KIAA1671: variants seen among roughly 807,000 people sequenced by gnomAD.
The protein encoded by KIAA1671 is KIAA1671.
Under a neutral mutation model 131.2 loss-of-function variants are expected in KIAA1671, and 52 were observed. The observed-to-expected ratio is 0.40, with a 90% CI of 0.32 to 0.50. The LOEUF (loss-of-function observed/expected upper bound fraction) is 0.50, where lower values mean the gene tolerates loss of function less well. Among genes scored for constraint, KIAA1671 ranks in the 20% least tolerant of loss-of-function variants. The probability of loss-of-function intolerance (pLI) is 0.73; values close to 1 mark genes in which losing one functional copy is unlikely to be tolerated. For synonymous variants in KIAA1671, 1,003 were observed against 961.6 expected, an observed-to-expected ratio of 1.04 and a Z score of -0.80; for missense variants, 2,360 against 2,364.2, an observed-to-expected ratio of 1.00 and a Z score of 0.04.
intron 6 of KIAA1671, among the ~76,000 whole-genome samples, chr22:25,149,622 A>C (rs565707340): frequency 6.6e-6 from 1 of 151,936 alleles, no homozygotes; most frequent in Admixed American, 6.6e-5. Context: ...TATTTGCCTT[A>C]AATGCATTTG....
intron 6 of KIAA1671, among the ~76,000 whole-genome samples, chr22:25,161,227 G>A (rs376290448): frequency 3.7e-4 from 57 of 152,332 alleles, no homozygotes; most frequent in Non-Finnish European, 7.5e-4. Flanking sequence ...ACAAAAAACA[G>A]CGACCCCCTT....
At chr22:25,026,510 C>T (rs1489114455) in intron 2 of KIAA1671, among the ~76,000 whole-genome samples, 2 of 152,016 alleles carry the variant, frequency 1.3e-5, no homozygotes, top group Non-Finnish European at 1.5e-5. Flanking sequence ...GTGGGCGGAT[C>T]CCCTGAGGTC....
At chr22:25,178,011 C>T (rs2146026790) in intron 9 of KIAA1671, among the ~76,000 whole-genome samples, 1 of 152,280 alleles carries the variant, frequency 6.6e-6, no homozygotes, top group Admixed American at 6.5e-5. Context: ...GCCAAGGCCT[C>T]CCGCAGGATG....
In KIAA1671 at chr22:24,962,186, G is replaced by A. The variant is rs113326169; in HGVS notation, c.-208+9414G>A. On this transcript the variant is annotated intron_variant, in intron 1 of 12. Transcript: ENST00000358431. Reference sequence around the variant, plus strand: ...CAGTAGAGTGAGAGAACGCAGCGACGCCAAGGTGAGACTGGGAGGGATAGG... The same window carrying A: ...CAGTAGAGTGAGAGAACGCAGCGACACCAAGGTGAGACTGGGAGGGATAGG... Among the ~76,000 whole-genome samples, 884 of 152,228 alleles carry A rather than the reference G, an allele frequency of 5.8e-3. 5 individuals carry two copies. Among genetic ancestry groups the A allele is most frequent in the African/African-American group, 0.02 (836 of 41,540 alleles).
At chr22:24,984,838 C>G (rs1445083352) in intron 1 of KIAA1671, among the ~76,000 whole-genome samples, 1 of 147,358 alleles carries the variant, frequency 6.8e-6, no homozygotes, top group Non-Finnish European at 1.5e-5. Flanking sequence ...TGCGTGAACC[C>G]TGGAGGCGGA....
intron 6 of KIAA1671, among the ~76,000 whole-genome samples, chr22:25,129,129 C>T (rs538851920): frequency 8.6e-4 from 131 of 151,606 alleles, no homozygotes; most frequent in African/African-American, 3.0e-3. Flanking sequence ...CTCTCCCAAG[C>T]ATGGAGTGCC....
At chr22:25,108,634 G>A (rs1229108461) in intron 6 of KIAA1671, among the ~76,000 whole-genome samples, 1 of 152,140 alleles carries the variant, frequency 6.6e-6, no homozygotes, top group Non-Finnish European at 1.5e-5. Context: ...TTCCTCACCT[G>A]CATGGTGGAG....
chr22:25,171,415 C>CA (rs1933844477), intron 7 of KIAA1671, among the ~76,000 whole-genome samples: 1 of 148,736 alleles, frequency 6.7e-6, no homozygotes, highest in Admixed American at 6.7e-5. Flanking sequence ...AAAAAACAAA[C>CA]AAAAAAAGAT....
chr22:25,029,244 G>A lies in KIAA1671; in HGVS notation c.1245G>A (p.Glu415=), dbSNP rs1456236065. The A allele has an allele frequency of 2.7e-6, 4 of 1,486,174 alleles. No homozygotes were observed. Among genetic ancestry groups the A allele is most frequent in the Non-Finnish European group, 3.6e-6 (4 of 1,112,848 alleles). The allele number at this position is 1,486,174 out of a possible 1,614,324, so 92.1% of individuals were successfully genotyped here. The change falls in exon 3 of 13, where the codon GAG becomes GAA. Residue 415 remains glutamate (E), a synonymous_variant. Coordinates refer to ENST00000358431, the MANE Select transcript of KIAA1671 (RefSeq NM_001145206.2). ...PRLGRGLELA[E]VKSRVADGEA... ...TGGGAAGGGGCCTAGAACTTGCTGA[G>A]GTTAAGAGCAGAGTGGCGGATGGGG...
chr22:25,082,325 C>T (rs5760833), intron 6 of KIAA1671, among the ~76,000 whole-genome samples: 56,469 of 151,866 alleles, frequency 0.37, 10,788 homozygotes, highest in Middle Eastern at 0.45. Context: ...GGTCTTAACA[C>T]CTGAGTAGGA....
intron 1 of KIAA1671, among the ~76,000 whole-genome samples, chr22:24,994,495 T>C (rs1023659904): frequency 2.6e-5 from 4 of 152,174 alleles, no homozygotes; most frequent in African/African-American, 9.7e-5. Context: ...AACAGAAAGT[T>C]ATCCACTAGT....
intron 7 of KIAA1671, among the ~76,000 whole-genome samples, chr22:25,171,352 C>T (rs954871606): frequency 3.3e-5 from 5 of 151,754 alleles, no homozygotes; most frequent in South Asian, 2.1e-4. Context: ...TGCAGTGAGC[C>T]GGGATTGTGC....
At chr22:25,065,615 A>T (rs1330707902) in intron 6 of KIAA1671, among the ~76,000 whole-genome samples, 3 of 151,874 alleles carry the variant, frequency 2.0e-5, no homozygotes, top group Non-Finnish European at 4.4e-5. Context: ...CCATTTTTCA[A>T]CTTTTTTTAA....
chr22:25,064,202 T>C (rs1419471078), intron 6 of KIAA1671: 7 of 152,228 alleles, frequency 4.6e-5, no homozygotes, highest in Admixed American at 4.6e-4. Flanking sequence ...TAGCTGGGAT[T>C]ACAGGCATGT....
intron 9 of KIAA1671, among the ~76,000 whole-genome samples, chr22:25,180,264 G>A (rs1312880125): frequency 6.6e-6 from 1 of 152,228 alleles, no homozygotes; most frequent in Non-Finnish European, 1.5e-5. Flanking sequence ...AAACAGGCAG[G>A]GCGTGGTGGC....
intron 1 of KIAA1671, among the ~76,000 whole-genome samples, chr22:24,954,485 A>G (rs908408993): frequency 1.8e-4 from 28 of 152,286 alleles, no homozygotes; most frequent in South Asian, 6.2e-4. Context: ...CAGAGTTTCA[A>G]TGCAGTGTCT....
At chr22:24,973,147 T>A (rs938011283) in intron 1 of KIAA1671, among the ~76,000 whole-genome samples, 1 of 152,002 alleles carries the variant, frequency 6.6e-6, no homozygotes, top group South Asian at 2.1e-4. Flanking sequence ...CAATGTGGGG[T>A]TCATTTTAAC....
chr22:25,068,062 G>C (rs73397851), intron 6 of KIAA1671, among the ~76,000 whole-genome samples: 260 of 152,368 alleles, frequency 1.7e-3, no homozygotes, highest in African/African-American at 6.1e-3. Flanking sequence ...CAGTGCTCTG[G>C]CTATGCTGTC....
chr22:25,152,189 T>C (rs1017806353), intron 6 of KIAA1671, among the ~76,000 whole-genome samples: 4 of 152,240 alleles, frequency 2.6e-5, no homozygotes, highest in African/African-American at 7.2e-5. Flanking sequence ...CCAGTTTTTC[T>C]GTCTTATAAA....
Sources: allele counts gnomAD v4.1 joint callset (sites outside exome capture counted in the v4.1 genomes callset), GRCh38; gene constraint gnomAD v4.1.1; transcripts MANE v1.5; gene names NCBI Gene and HGNC (gene_info 2026-07-23, HGNC 2026-07-21).